The following PTPRT variants were observed in gnomAD, a reference collection of about 807,000 sequenced individuals.
PTPRT encodes the protein protein tyrosine phosphatase receptor type T, also known as receptor-type tyrosine-protein phosphatase T.
A neutral mutation model predicts 176.8 loss-of-function variants in PTPRT; 56 were observed. The ratio of observed to expected loss-of-function variants is 0.32; its 90% confidence interval spans 0.26 to 0.40. The LOEUF is 0.40. PTPRT is among the 10% of genes least tolerant of loss of function. The pLI is 1.00. For missense variants in PTPRT, 1,540 were observed against 1,908.2 expected, an observed-to-expected ratio of 0.81 and a Z score of 3.60; for synonymous variants, 783 against 739.0, an observed-to-expected ratio of 1.06 and a Z score of -0.96.
At position 43,182,224 on chromosome 20, in the gene PTPRT, G is replaced by A. The variant is rs1425986913; in HGVS notation, c.88+7422C>T. On this transcript the variant is annotated intron_variant, in intron 1 of 30. Transcript: ENST00000373187. ...CCTAGAACCAACAGGATAAAAGGGG[G>A]AGTAAAGCAAAATGAGGGGTGGTCT... Among the ~76,000 whole-genome samples the A allele has an allele frequency of 4.8e-4, 73 of 152,128 alleles. 1 individual carries two copies.
At chr20:43,168,204 C>T (rs985931664) in intron 1 of PTPRT, among the ~76,000 whole-genome samples, 1 of 152,252 alleles carries the variant, frequency 6.6e-6, no homozygotes, top group African/African-American at 2.4e-5. Context: ...TAAAGAACCA[C>T]TACAGTAAAC....
intron 1 of PTPRT, among the ~76,000 whole-genome samples, chr20:42,979,653 T>G (rs530237567): frequency 6.6e-6 from 1 of 152,244 alleles, no homozygotes; most frequent in African/African-American, 2.4e-5. Flanking sequence ...GCCCCCTTTG[T>G]AATCTCAGGG....
chr20:42,618,916 A>G (rs552026575), intron 7 of PTPRT, among the ~76,000 whole-genome samples: 16,838 of 150,822 alleles, frequency 0.11, 1,209 homozygotes, highest in Non-Finnish European at 0.16. Context: ...TGTGTCTTTT[A>G]ATTGGAGAAT....
In PTPRT at chr20:43,004,460, T is replaced by C. The variant is rs554346605; in HGVS notation, c.89-118528A>G. Among the ~76,000 whole-genome samples, 246 of 152,314 alleles carry C rather than the reference T, an allele frequency of 1.6e-3. 1 individual carries two copies. Among genetic ancestry groups the C allele is most frequent in the Admixed American group, 4.1e-3 (63 of 15,294 alleles). ...ATAATTAAACAAAAATGTCAACTAA[T>C]AGACTGGTACCTGACAGACTGGCAA... On this transcript the variant is annotated intron_variant, in intron 1 of 30. Coordinates refer to ENST00000373187, the MANE Select transcript of PTPRT (RefSeq NM_007050.6).
At chr20:42,391,951 G>C (rs8119919) in intron 9 of PTPRT, among the ~76,000 whole-genome samples, 2,987 of 152,180 alleles carry the variant, frequency 0.02, 92 homozygotes, top group African/African-American at 0.069. Flanking sequence ...CAACAACATT[G>C]CCACGGGCTC....
At chr20:42,477,017 T>G (rs1190870247) in intron 7 of PTPRT, among the ~76,000 whole-genome samples, 1 of 152,194 alleles carries the variant, frequency 6.6e-6, no homozygotes. Flanking sequence ...AAACTGCATC[T>G]CTTCCTGCAG....
intron 1 of PTPRT, among the ~76,000 whole-genome samples, chr20:42,935,323 A>T (rs1488191419): frequency 6.6e-6 from 1 of 151,836 alleles, no homozygotes; most frequent in Non-Finnish European, 1.5e-5. Context: ...AATTTTTTGT[A>T]AAGACAAGGT....
intron 12 of PTPRT, among the ~76,000 whole-genome samples, chr20:42,313,053 A>G (rs2057660254): frequency 6.6e-6 from 1 of 152,060 alleles, no homozygotes; most frequent in Admixed American, 6.6e-5. Flanking sequence ...TGCTATAAAA[A>G]CAGCTTACAG....
At chr20:42,228,590 G>A (rs1436156954) in intron 15 of PTPRT, among the ~76,000 whole-genome samples, 2 of 152,180 alleles carry the variant, frequency 1.3e-5, no homozygotes, top group Admixed American at 6.5e-5. Flanking sequence ...TACAAAATAG[G>A]TGATCTGAAA....
At chr20:42,903,386 T>C (rs75384248) in intron 1 of PTPRT, among the ~76,000 whole-genome samples, 3 of 152,224 alleles carry the variant, frequency 2.0e-5, no homozygotes, top group Non-Finnish European at 4.4e-5. Context: ...CCAAGGAACA[T>C]TTAGGACTGG....
intron 6 of PTPRT, among the ~76,000 whole-genome samples, chr20:42,740,021 T>C (rs1347738756): frequency 6.6e-6 from 1 of 152,216 alleles, no homozygotes; most frequent in Non-Finnish European, 1.5e-5. Flanking sequence ...GGTCCTTCCA[T>C]CTGCCACTGG....
rs142928568 is a variant in PTPRT, at chr20:42,829,495, A to G, written c.215-38029T>C. Among the ~76,000 whole-genome samples, 34 of 152,274 alleles carry G rather than the reference A, an allele frequency of 2.2e-4. No homozygotes were observed. In the South Asian group the frequency reaches 5.0e-3, roughly 22 times the overall value. On this transcript the variant is annotated intron_variant, in intron 2 of 30. Transcript: ENST00000373187. ...GCAATCCCAGCACTTTGAGAGGCCA[A>G]GGTGGGTGGATCACCTGAGGTCAGG...
rs112771864 is a variant in PTPRT, at chr20:42,346,247, G to C, written c.1865+4381C>G. Among the ~76,000 whole-genome samples the C allele has an allele frequency of 7.9e-3, 1,206 of 152,236 alleles. 7 individuals are homozygous for C. The highest frequency in any genetic ancestry group is 0.027 in the African/African-American group (1,115 of 41,556). ...TTCCAAGGAAGTCTTCAGGGATCAG[G>C]GGACGGTCTGTTATAGAACCTGGGG... On this transcript the variant is annotated intron_variant, in intron 11 of 30. Transcript: ENST00000373187.
chr20:43,120,623 C>G (rs1277190628), intron 1 of PTPRT, among the ~76,000 whole-genome samples: 2 of 152,160 alleles, frequency 1.3e-5, no homozygotes, highest in Non-Finnish European at 2.9e-5. Flanking sequence ...TTATCTACTT[C>G]TGTACTGGAG....
intron 1 of PTPRT, among the ~76,000 whole-genome samples, chr20:42,918,332 TG>T (rs1978916501): frequency 6.6e-6 from 1 of 152,192 alleles, no homozygotes; most frequent in South Asian, 2.1e-4. Flanking sequence ...CACCTTTCCC[TG>T]TACAGCTTAG....
chr20:42,364,127 A>G (rs1377038655), intron 9 of PTPRT, among the ~76,000 whole-genome samples: 2 of 152,164 alleles, frequency 1.3e-5, no homozygotes, highest in Non-Finnish European at 2.9e-5. Flanking sequence ...CAAGCACCCC[A>G]GAGGGGTTTT....
intron 7 of PTPRT, among the ~76,000 whole-genome samples, chr20:42,567,309 G>A (rs6072796): frequency 0.55 from 82,629 of 150,370 alleles, 23,708 homozygotes; most frequent in African/African-American, 0.75. Flanking sequence ...GAGAGAGAGA[G>A]AAAAAAAACG....
intron 9 of PTPRT, among the ~76,000 whole-genome samples, chr20:42,426,164 G>C (rs2059162006): frequency 6.6e-6 from 1 of 152,052 alleles, no homozygotes; most frequent in Non-Finnish European, 1.5e-5. Flanking sequence ...CCCTAAATGG[G>C]AACAGGCATT....
intron 2 of PTPRT, among the ~76,000 whole-genome samples, chr20:42,837,392 C>G (rs894765655): frequency 2.0e-5 from 3 of 152,208 alleles, no homozygotes; most frequent in Non-Finnish European, 2.9e-5. Flanking sequence ...AGCACACTTA[C>G]CAGGCTATCA....
Sources: gnomAD v4.1 joint callset for allele counts (sites outside exome capture counted in the v4.1 genomes callset) on GRCh38, gnomAD v4.1.1 for gene constraint, MANE v1.5 for transcripts, NCBI Gene and HGNC (gene_info 2026-07-23, HGNC 2026-07-21) for gene names.